The following PCDH15 variants were observed in gnomAD, a reference collection of about 807,000 sequenced individuals.
PCDH15 encodes protocadherin-15.
PCDH15 carries 129 observed loss-of-function variants against 178.5 expected under a neutral mutation model. The observed-to-expected ratio is 0.72, with a 90% CI of 0.63 to 0.84. The LOEUF is 0.84. Ranked by LOEUF, PCDH15 falls within the 40% of genes least tolerant of loss-of-function variation. The pLI is 0.00. For synonymous variants in PCDH15, 800 were observed against 732.0 expected, an observed-to-expected ratio of 1.09 and a Z score of -1.50; for missense variants, 2,230 against 2,099.9, an observed-to-expected ratio of 1.06 and a Z score of -1.21.
At chr10:54,287,675 T>C (rs2059119101) in intron 8 of PCDH15, among the ~76,000 whole-genome samples, 1 of 152,176 alleles carries the variant, frequency 6.6e-6, no homozygotes, top group Non-Finnish European at 1.5e-5. Context: ...AGACAAGATG[T>C]TTATATATAC....
At chr10:53,823,144 G>C in intron 32 of PCDH15, 1 of 1,613,932 alleles carries the variant, frequency 6.2e-7, no homozygotes, top group Non-Finnish European at 8.5e-7. Context: ...TCCTTATAAA[G>C]GGGATTATGG....
At chr10:55,559,082 G>A (rs1842144009) in intron 2 of PCDH15, among the ~76,000 whole-genome samples, 1 of 151,762 alleles carries the variant, frequency 6.6e-6, no homozygotes, top group Non-Finnish European at 1.5e-5. Flanking sequence ...AAGCTTGCAG[G>A]TGTTATAACA....
intron 2 of PCDH15, among the ~76,000 whole-genome samples, chr10:54,627,346 C>T (rs370504321): frequency 1.8e-4 from 27 of 152,178 alleles, no homozygotes; most frequent in African/African-American, 6.0e-4. Context: ...ATAGTTCCCA[C>T]GTGTTTTGGG....
chr10:54,508,673 C>T (rs917555204), intron 3 of PCDH15, among the ~76,000 whole-genome samples: 6 of 152,062 alleles, frequency 3.9e-5, no homozygotes, highest in African/African-American at 1.4e-4. Flanking sequence ...ATGTACATAA[C>T]TGAAAGCACA....
intron 2 of PCDH15, among the ~76,000 whole-genome samples, chr10:55,398,530 C>T (rs1478475801): frequency 2.0e-5 from 3 of 152,100 alleles, no homozygotes; most frequent in African/African-American, 7.2e-5. Flanking sequence ...TTGTCCCACA[C>T]CCCAACCTAT....
At chr10:55,491,675 G>T (rs1589077665) in intron 2 of PCDH15, among the ~76,000 whole-genome samples, 1 of 148,116 alleles carries the variant, frequency 6.8e-6, no homozygotes, top group Admixed American at 6.8e-5. Context: ...GTGCAAGATT[G>T]TTATTTTCAA....
chr10:54,084,057 GTCTC>G (rs544470413), intron 16 of PCDH15, among the ~76,000 whole-genome samples: 229 of 149,878 alleles, frequency 1.5e-3, no homozygotes, highest in African/African-American at 5.4e-3. Flanking sequence ...GTGAAACACT[GTCTC>G]TCTCTTTTTT....
chr10:55,413,203 G>T (rs986043347), intron 2 of PCDH15, among the ~76,000 whole-genome samples: 5 of 151,082 alleles, frequency 3.3e-5, no homozygotes, highest in African/African-American at 4.9e-5. Flanking sequence ...AAATCTGATA[G>T]GAATTAAAAT....
chr10:55,193,154 T>C (rs1432719430), intron 1 of PCDH15, among the ~76,000 whole-genome samples: 3 of 151,868 alleles, frequency 2.0e-5, no homozygotes, highest in African/African-American at 7.3e-5. Flanking sequence ...TGATGTGTCA[T>C]GCAGGAATTT....
chr10:55,112,707 C>T (rs2132057775), intron 2 of PCDH15, among the ~76,000 whole-genome samples: 1 of 152,212 alleles, frequency 6.6e-6, no homozygotes, highest in African/African-American at 2.4e-5. Flanking sequence ...AAAGCTCATG[C>T]ATATGGAATG....
intron 3 of PCDH15, among the ~76,000 whole-genome samples, chr10:54,875,349 C>G (rs1306702455): frequency 1.3e-5 from 2 of 152,122 alleles, no homozygotes; most frequent in Non-Finnish European, 1.5e-5. Context: ...CTCTCTTCTT[C>G]CCCATTTACT....
chr10:55,147,933 C>A (rs1838576451), intron 2 of PCDH15, among the ~76,000 whole-genome samples: 1 of 151,682 alleles, frequency 6.6e-6, no homozygotes, highest in Admixed American at 6.6e-5. Context: ...TTGCTTCTCC[C>A]TTGGTAACTC....
chr10:54,542,277 A>G (rs1930164), intron 2 of PCDH15, among the ~76,000 whole-genome samples: 45,362 of 152,122 alleles, frequency 0.3, 7,753 homozygotes, highest in East Asian at 0.38. Flanking sequence ...TGTGTGAAGC[A>G]GGAAAGTTGT....
chr10:55,211,062 A>G (rs1367710562), intron 1 of PCDH15, among the ~76,000 whole-genome samples: 1 of 152,040 alleles, frequency 6.6e-6, no homozygotes. Context: ...GGCAGCTTGA[A>G]TGGAGGGAAC....
chr10:55,022,854 G>A (rs1219042495), intron 2 of PCDH15, among the ~76,000 whole-genome samples: 2 of 151,062 alleles, frequency 1.3e-5, no homozygotes, highest in African/African-American at 2.4e-5. Flanking sequence ...GGGACTACAG[G>A]CGCCCGCCAC....
chr10:55,319,783 C>T (rs532927122), upstream of PCDH15, among the ~76,000 whole-genome samples: 1 of 152,264 alleles, frequency 6.6e-6, no homozygotes, highest in African/African-American at 2.4e-5. Flanking sequence ...GCTGCTTAGA[C>T]AGGTGATAGT....
intron 2 of PCDH15, among the ~76,000 whole-genome samples, chr10:55,347,426 A>G (rs1844792632): frequency 6.6e-6 from 1 of 152,144 alleles, no homozygotes; most frequent in East Asian, 1.9e-4. Flanking sequence ...CCTGAAACAC[A>G]TAAATAAGTA....
chr10:55,014,408 G>A (rs1840119776), intron 2 of PCDH15, among the ~76,000 whole-genome samples: 1 of 151,942 alleles, frequency 6.6e-6, no homozygotes, highest in Non-Finnish European at 1.5e-5. Context: ...CATTTATATG[G>A]GGAAAAATAA....
intron 2 of PCDH15, among the ~76,000 whole-genome samples, chr10:55,130,805 T>A (rs1194125856): frequency 6.6e-6 from 1 of 151,572 alleles, no homozygotes; most frequent in Admixed American, 6.6e-5. Context: ...TTGTACTAAT[T>A]GATAGCCCCT....
Sources: allele counts gnomAD v4.1 joint callset (sites outside exome capture counted in the v4.1 genomes callset), GRCh38; gene constraint gnomAD v4.1.1; transcripts MANE v1.5; gene names NCBI Gene and HGNC (gene_info 2026-07-23, HGNC 2026-07-21).